The following COPS2 variants were observed in gnomAD, a reference collection of about 807,000 sequenced individuals.
COPS2 encodes COP9 signalosome subunit 2, also known as COP9 signalosome complex subunit 2.
COPS2 carries 10 observed loss-of-function variants against 66.1 expected under a neutral mutation model. The ratio of observed to expected loss-of-function variants is 0.15; its 90% CI spans 0.09 to 0.26. COPS2 has a LOEUF of 0.26. COPS2 is among the 10% of genes least tolerant of loss of function. COPS2 has a pLI of 1.00. For missense variants in COPS2, 215 were observed against 513.3 expected (o/e 0.42, Z 5.62); for synonymous variants, 179 against 171.3 (o/e 1.04, Z -0.35).
chr15:49,140,370 C>T (rs972741978), intron 3 of COPS2, among the ~76,000 whole-genome samples: 7 of 152,122 alleles, frequency 4.6e-5, no homozygotes, highest in African/African-American at 1.7e-4. Flanking sequence ...AATTTTATCC[C>T]TTCCTCAGGA....
At chr15:49,155,395 A>T in intron 1 of COPS2, 130 bp downstream of exon 1, 1 of 805,228 alleles carries the variant, frequency 1.2e-6, no homozygotes, top group Non-Finnish European at 2.1e-6. Context: ...GAGGTAAACC[A>T]GTCCTGTCAC....
At chr15:49,152,591 G>T (rs970405974) in intron 1 of COPS2, among the ~76,000 whole-genome samples, 2 of 152,178 alleles carry the variant, frequency 1.3e-5, no homozygotes, top group African/African-American at 4.8e-5. Flanking sequence ...GAAGGCTGAG[G>T]AGGGCAGATC....
chr15:49,155,336 TC>T (rs995090888), intron 1 of COPS2, among the ~76,000 whole-genome samples, 188 bp downstream of exon 1: 1 of 152,064 alleles, frequency 6.6e-6, no homozygotes, highest in Admixed American at 6.5e-5. Flanking sequence ...TGCCCTCCCT[TC>T]CCCCATGCTG....
chr15:49,132,544 G>T (rs2084218796), intron 9 of COPS2, among the ~76,000 whole-genome samples: 2 of 121,434 alleles, frequency 1.6e-5, no homozygotes. Context: ...AGAACTTCTG[G>T]TCACCTAAAT....
chr15:49,155,404 A>T, intron 1 of COPS2, 121 bp downstream of exon 1: 1 of 872,950 alleles, frequency 1.1e-6, no homozygotes, highest in South Asian at 1.4e-5. Context: ...CAGTCCTGTC[A>T]CCGCACTGAG....
chr15:49,138,028 C>A (rs927957449), intron 4 of COPS2, among the ~76,000 whole-genome samples: 1 of 152,166 alleles, frequency 6.6e-6, no homozygotes, highest in Non-Finnish European at 1.5e-5. Flanking sequence ...CCTCAAAATT[C>A]TTCTATAAAT....
intron 4 of COPS2, 118 bp from the exon 5 acceptor site, chr15:49,137,555 T>C (rs994910130): frequency 2.7e-6 from 2 of 731,096 alleles, no homozygotes; most frequent in African/African-American, 1.8e-5. Flanking sequence ...AGATACACTA[T>C]CTGTATCTTA....
chr15:49,135,093 A>G (rs2084241544), intron 6 of COPS2, among the ~76,000 whole-genome samples: 1 of 152,208 alleles, frequency 6.6e-6, no homozygotes, highest in African/African-American at 2.4e-5. Context: ...ACACATAACA[A>G]TATACTGTAA....
chr15:49,126,109 A>G lies in COPS2; in HGVS notation c.*1841T>C, dbSNP rs2084163486. On this transcript the variant is annotated 3_prime_UTR_variant, in exon 13 of 13. Coordinates refer to ENST00000388901, the MANE Select transcript of COPS2 (RefSeq NM_004236.4). ...TATTGAAAAATAAATCCTAATTAATATCACTCTTGTAAAAAAAGTTTAGCA... is the reference window on the plus strand; with the variant it reads ...TATTGAAAAATAAATCCTAATTAATGTCACTCTTGTAAAAAAAGTTTAGCA... The G allele has an allele frequency of 6.6e-6, 1 of 152,524 alleles. No individual in the cohort carries two copies. Among genetic ancestry groups the G allele is most frequent in the Non-Finnish European group, 1.5e-5 (1 of 67,942 alleles). The allele number at this position is 152,524 out of a possible 1,614,324, so 9.4% of individuals were successfully genotyped here. A position where few individuals can be genotyped will look rare whatever the true frequency, so the allele number is the denominator to read the frequency against.
In COPS2 at chr15:49,124,565, C is replaced by T. The variant is rs148815405; in HGVS notation, c.*3385G>A. Reference sequence around the variant, plus strand: ...TGCCTTTTGCGTCACATTCTGAAACCTGATACTCCATCTCTTGTTCTGGAT... The same window carrying T: ...TGCCTTTTGCGTCACATTCTGAAACTTGATACTCCATCTCTTGTTCTGGAT... On this transcript the variant is annotated 3_prime_UTR_variant, in exon 13 of 13. Transcript: ENST00000388901. 1 of 152,204 alleles carries T rather than the reference C, an allele frequency of 6.6e-6. No homozygotes were observed. The highest frequency in any genetic ancestry group is 1.9e-4 in the East Asian group (1 of 5,182). 9.4% of individuals were successfully genotyped at this position (152,204 alleles called of 1,614,324 possible). A position where few individuals can be genotyped will look rare whatever the true frequency, so the allele number is the denominator to read the frequency against.
intron 10 of COPS2, among the ~76,000 whole-genome samples, chr15:49,129,764 C>A (rs747855490): frequency 6.6e-6 from 1 of 152,054 alleles, no homozygotes; most frequent in Non-Finnish European, 1.5e-5. Context: ...TTCCCACCTC[C>A]TTGATTTTGT....
At chr15:49,148,281 T>C (rs1257860147) in intron 1 of COPS2, among the ~76,000 whole-genome samples, 2 of 151,934 alleles carry the variant, frequency 1.3e-5, no homozygotes, top group Admixed American at 6.6e-5. Flanking sequence ...GGAACAGATA[T>C]GCAAACAAAA....
At position 49,127,902 on chromosome 15, in the gene COPS2, C is replaced by T. The variant is rs539669289; in HGVS notation, c.*48G>A. ...CCATTCCCAGTTCTTTTAAGGATTACATCTCTGCACTGTTGCCTTAAGGAC... is the reference window on the plus strand; with the variant it reads ...CCATTCCCAGTTCTTTTAAGGATTATATCTCTGCACTGTTGCCTTAAGGAC... On this transcript the variant is annotated 3_prime_UTR_variant, in exon 13 of 13. Transcript: ENST00000388901. The T allele has an allele frequency of 2.5e-6, 4 of 1,574,934 alleles. No individual in the cohort carries two copies. Among genetic ancestry groups the T allele is most frequent in the African/African-American group, 1.4e-5 (1 of 73,758 alleles).
chr15:49,131,920 T>C (rs2084212379), intron 9 of COPS2, among the ~76,000 whole-genome samples: 1 of 152,208 alleles, frequency 6.6e-6, no homozygotes, highest in African/African-American at 2.4e-5. Context: ...AAATAAGTTT[T>C]GAGTTCTAAT....
intron 1 of COPS2, among the ~76,000 whole-genome samples, chr15:49,148,908 A>C (rs2084339466): frequency 6.6e-6 from 1 of 152,254 alleles, no homozygotes; most frequent in Non-Finnish European, 1.5e-5. Flanking sequence ...GCCATTACTC[A>C]GAATAGGAAA....
Position 49,123,220 on chromosome 15 carries a change from C to A in COPS2, c.*4730G>T, listed in dbSNP as rs1422810536. The A allele has an allele frequency of 6.6e-6, 1 of 152,194 alleles. No individual in the cohort carries two copies. The highest frequency in any genetic ancestry group is 1.9e-4 in the East Asian group (1 of 5,204). The allele number at this position is 152,194 out of a possible 1,614,324, so 9.4% of individuals were successfully genotyped here. ...CTAATAAGCATGCCAAAACTTTTGA[C>A]AACTTCATGGGATGACGCTAGAGAT... On this transcript the variant is annotated 3_prime_UTR_variant, in exon 13 of 13. Transcript: ENST00000388901.
Position 49,144,275 on chromosome 15 carries a change from T to C in COPS2, c.198A>G (p.Glu66=). 2 of 1,610,492 alleles carry C rather than the reference T, an allele frequency of 1.2e-6. No homozygotes were observed. The highest frequency in any genetic ancestry group is 1.7e-6 in the Non-Finnish European group (2 of 1,177,670). ...TTTGTTTCAGTGCTTTAAATCCCCA[T>C]TCTCCTTTTTCACCTTCAAGTTCCA... ...KVLELEGEKG[E]WGFKALKQMI... is the part of the protein sequence containing the mutation. Residue 66 remains glutamate (E), a synonymous_variant, in exon 3 of 13, where the codon GAA becomes GAG. Transcript: ENST00000388901.
Position 49,135,867 on chromosome 15 carries a change from A to G in COPS2, c.540+1283T>C, listed in dbSNP as rs192938435. ...TAATGCTATTTACCATCCTGATAGC[A>G]TTTTTATGTTCTTAAAGCAAAACTT... On this transcript the variant is annotated intron_variant, in intron 6 of 12. Transcript: ENST00000388901. Among the ~76,000 whole-genome samples the G allele has an allele frequency of 3.4e-4, 52 of 152,300 alleles. 1 individual carries two copies. The South Asian group carries it at 0.01, about 30-fold the overall frequency.
chr15:49,127,257 T>C lies in COPS2; in HGVS notation c.*693A>G, dbSNP rs544709671. On this transcript the variant is annotated 3_prime_UTR_variant, in exon 13 of 13. Transcript: ENST00000388901. ...TTTGCCCCCAGGCTTTTTAAAATCA[T>C]TAACTGAAGATAAAATAATTTGAAA... The C allele has an allele frequency of 6.6e-6, 1 of 152,556 alleles. No homozygotes were observed. Among genetic ancestry groups the C allele is most frequent in the South Asian group, 2.1e-4 (1 of 4,836 alleles). The allele number at this position is 152,556 out of a possible 1,614,324, so 9.5% of individuals were successfully genotyped here.
Sources: gnomAD v4.1 joint callset for allele counts (sites outside exome capture counted in the v4.1 genomes callset) on GRCh38, gnomAD v4.1.1 for gene constraint, MANE v1.5 for transcripts, NCBI Gene and HGNC (gene_info 2026-07-23, HGNC 2026-07-21) for gene names.